The following RANBP2 variants were observed in gnomAD, a reference collection of about 807,000 sequenced individuals.
The protein encoded by RANBP2 is RAN binding protein 2, also known as E3 SUMO-protein ligase RanBP2.
In RANBP2, 57 loss-of-function variants were observed where a neutral mutation model predicts 303.6. The observed-to-expected ratio is 0.19, with a 90% CI of 0.15 to 0.23. The LOEUF is 0.23. RANBP2 is among the 10% of genes least tolerant of loss of function. RANBP2 has a pLI of 1.00. For synonymous variants in RANBP2, 1,167 were observed against 1,301.5 expected (o/e 0.90, Z 2.23); for missense variants, 3,138 against 3,780.8 (o/e 0.83, Z 4.46).
chr2:109,277,576 C>T, the RANBP2 span, among the ~76,000 whole-genome samples: 1 of 152,206 alleles, frequency 6.6e-6, no homozygotes, highest in South Asian at 2.1e-4. Context: ...TACGTGTACA[C>T]TGTCGTTATC....
the RANBP2 span, among the ~76,000 whole-genome samples, chr2:109,523,174 C>A: frequency 2.6e-5 from 4 of 152,262 alleles, no homozygotes; most frequent in East Asian, 7.7e-4. Context: ...ACTCACAGTG[C>A]CCTTGAATCT....
chr2:109,352,874 A>G, the RANBP2 span, among the ~76,000 whole-genome samples: 1 of 152,238 alleles, frequency 6.6e-6, no homozygotes, highest in Non-Finnish European at 1.5e-5. Flanking sequence ...GAGTTTGGAT[A>G]AACTGCACAG....
the RANBP2 span, among the ~76,000 whole-genome samples, chr2:109,561,123 C>T: frequency 6.6e-6 from 1 of 152,148 alleles, no homozygotes; most frequent in Non-Finnish European, 1.5e-5. Context: ...TGCTGCCTGC[C>T]TGTTCTCTTC....
chr2:109,347,962 C>T, the RANBP2 span: 3 of 1,586,808 alleles, frequency 1.9e-6, no homozygotes, highest in Non-Finnish European at 1.7e-6. Flanking sequence ...AAGGTGAGCC[C>T]CGGGGTGGGC....
At chr2:109,458,572 C>CAGACAGAGAGAGAGAGAGAGAGAG in the RANBP2 span, among the ~76,000 whole-genome samples, 3 of 122,980 alleles carry the variant, frequency 2.4e-5, no homozygotes, top group Non-Finnish European at 5.4e-5. Context: ...CAGCAGGAGA[C>CAGACAGAGAGAGAGAGAGAGAGAG]AGAGAGAGAG....
chr2:108,834,198 A>G, the RANBP2 span, among the ~76,000 whole-genome samples: 2 of 147,116 alleles, frequency 1.4e-5, no homozygotes, highest in Non-Finnish European at 2.9e-5. Context: ...GAGAGTTTAC[A>G]TATTTCATCT....
chr2:109,269,323 C>T, the RANBP2 span, among the ~76,000 whole-genome samples: 12 of 152,312 alleles, frequency 7.9e-5, no homozygotes, highest in African/African-American at 2.6e-4. Context: ...ATGGGAAAAC[C>T]TTGCCTTCCC....
chr2:109,177,690 T>C, the RANBP2 span, among the ~76,000 whole-genome samples: 1 of 152,176 alleles, frequency 6.6e-6, no homozygotes, highest in Non-Finnish European at 1.5e-5. Context: ...TGTAGTAATC[T>C]AAAAACTCTG....
the RANBP2 span, among the ~76,000 whole-genome samples, chr2:109,230,473 G>A: frequency 1.3e-5 from 2 of 152,076 alleles, no homozygotes; most frequent in Non-Finnish European, 2.9e-5. Context: ...CCAGTTACTC[G>A]GGGGGCTGAG....
chr2:108,805,056 A>G, the RANBP2 span: 3 of 1,026,526 alleles, frequency 2.9e-6, no homozygotes, highest in African/African-American at 1.7e-5. Flanking sequence ...TCTAAGAAGT[A>G]TATTTTATAT....
At chr2:109,609,718 C>A in the RANBP2 span, among the ~76,000 whole-genome samples, 1 of 151,478 alleles carries the variant, frequency 6.6e-6, no homozygotes, top group African/African-American at 2.4e-5. Flanking sequence ...ATTATCCTCA[C>A]TGAAGAAAAA....
chr2:109,170,242 CTT>C, the RANBP2 span, among the ~76,000 whole-genome samples: 85 of 9,800 alleles, frequency 8.7e-3, 2 homozygotes, highest in African/African-American at 0.018. Flanking sequence ...CTCTTCTTTT[CTT>C]TTCTCTTCTC....
At chr2:108,906,568 T>C in the RANBP2 span, among the ~76,000 whole-genome samples, 1 of 152,100 alleles carries the variant, frequency 6.6e-6, no homozygotes, top group Non-Finnish European at 1.5e-5. Flanking sequence ...ATTTTTGGGG[T>C]CTACCACGGG....
At chr2:108,835,266 A>T in the RANBP2 span, among the ~76,000 whole-genome samples, 1 of 152,234 alleles carries the variant, frequency 6.6e-6, no homozygotes, top group Admixed American at 6.5e-5. Context: ...AAGAAAAATG[A>T]ACAATGTGCA....
chr2:109,319,387 G>A, the RANBP2 span, among the ~76,000 whole-genome samples: 1 of 152,232 alleles, frequency 6.6e-6, no homozygotes, highest in East Asian at 1.9e-4. Flanking sequence ...TGTGGGCTCA[G>A]TGGGGTCCCG....
chr2:109,495,208 C>T, the RANBP2 span, among the ~76,000 whole-genome samples: 8 of 152,302 alleles, frequency 5.3e-5, no homozygotes, highest in East Asian at 9.7e-4. Flanking sequence ...ACTCAGAATA[C>T]GGGTGTGGTC....
the RANBP2 span, among the ~76,000 whole-genome samples, chr2:109,078,114 ATATAGCGTG>A: frequency 2.4e-5 from 2 of 84,924 alleles, no homozygotes; most frequent in East Asian, 8.6e-4. Flanking sequence ...ATATATATAT[ATATAGCGTG>A]TATATATATA....
the RANBP2 span, among the ~76,000 whole-genome samples, chr2:109,492,876 C>G: frequency 6.6e-6 from 1 of 152,088 alleles, no homozygotes; most frequent in South Asian, 2.1e-4. Context: ...TTGGGTCCTG[C>G]AGATCCATCA....
chr2:108,804,970 G>T, the RANBP2 span: 2 of 1,569,570 alleles, frequency 1.3e-6, no homozygotes, highest in South Asian at 1.2e-5. Flanking sequence ...GTCCTCTTTT[G>T]ATGCATTGAA....
Sources: allele counts gnomAD v4.1 joint callset (sites outside exome capture counted in the v4.1 genomes callset), GRCh38; gene constraint gnomAD v4.1.1; transcripts MANE v1.5; gene names NCBI Gene and HGNC (gene_info 2026-07-23, HGNC 2026-07-21).